Variants in SLC6A11 observed in about 807,000 individuals in gnomAD.
SLC6A11 encodes sodium- and chloride-dependent GABA transporter 3.
A neutral mutation model predicts 74.8 loss-of-function variants in SLC6A11; 25 were observed. That is an observed-to-expected ratio of 0.33 (90% CI 0.24 to 0.47). The LOEUF (loss-of-function observed/expected upper bound fraction) is 0.47. Among genes scored for constraint, SLC6A11 ranks in the 20% least tolerant of loss-of-function variants. The probability of loss-of-function intolerance (pLI) is 1.00; values close to 1 mark genes in which losing one functional copy is unlikely to be tolerated. For missense variants in SLC6A11, 574 were observed against 837.0 expected (o/e 0.69, Z 3.88); for synonymous variants, 330 against 330.2 (o/e 1.00, Z 0.01).
chr3:10,844,112 G>A, intron 4 of SLC6A11, 102 bp from the exon 5 acceptor site: 6 of 1,427,566 alleles, frequency 4.2e-6, no homozygotes, highest in Non-Finnish European at 5.8e-6. Flanking sequence ...GGTGGACGTG[G>A]GTGAATGAGC....
At chr3:10,908,451 CT>C (rs1367515247) in intron 6 of SLC6A11, among the ~76,000 whole-genome samples, 1 of 152,140 alleles carries the variant, frequency 6.6e-6, no homozygotes, top group Non-Finnish European at 1.5e-5. Context: ...AAATGACAGA[CT>C]TTTCCCCATA....
chr3:10,849,077 G>A (rs1352069244), intron 5 of SLC6A11, among the ~76,000 whole-genome samples: 4 of 152,076 alleles, frequency 2.6e-5, no homozygotes, highest in African/African-American at 7.2e-5. Context: ...TTATCTCCCC[G>A]TTCCAATAAA....
Position 10,819,665 on chromosome 3 carries a change from T to C in SLC6A11, c.392-47T>C, listed in dbSNP as rs1226185378. ...GAATGTCAACTGCAAAGGCAGATTG[T>C]TTTGAAAAGATAGACTCAAATTCCT... On this transcript the variant is annotated intron_variant, in intron 2 of 13. Coordinates refer to ENST00000254488, the MANE Select transcript of SLC6A11 (RefSeq NM_014229.3). 3.1e-6 allele frequency: 5 copies of C among 1,611,098 alleles called. No individual in the cohort carries two copies. The South Asian group carries it at 3.3e-5, about 11-fold the overall frequency.
intron 6 of SLC6A11, among the ~76,000 whole-genome samples, chr3:10,906,949 G>A (rs1205999898): frequency 1.3e-5 from 2 of 152,156 alleles, no homozygotes; most frequent in African/African-American, 4.8e-5. Context: ...TCTCCTAAGA[G>A]TACAGGAAAA....
In SLC6A11 at chr3:10,816,672, C is replaced by A. The variant is rs1424964143; in HGVS notation, c.256+151C>A. 1.8e-5 allele frequency: 15 copies of A among 854,948 alleles called. No individual in the cohort carries two copies. In the Admixed American group the frequency reaches 4.9e-4, roughly 28 times the overall value. The allele number at this position is 854,948 out of a possible 1,614,324, so 53.0% of individuals were successfully genotyped here. ...CCAGGCACCTCGCGTGTGAGCTCGC[C>A]CCGGAGCGCGGCCCACCTGTGCCAG... On this transcript the variant is annotated intron_variant, in intron 1 of 13. Coordinates refer to ENST00000254488, the MANE Select transcript of SLC6A11 (RefSeq NM_014229.3). This position sits in a 1 kb window ranked among gnomAD's most constrained non-coding sequence, Gnocchi z 4.2.
intron 10 of SLC6A11, among the ~76,000 whole-genome samples, chr3:10,930,586 A>G (rs1413227802): frequency 1.3e-5 from 2 of 152,146 alleles, no homozygotes; most frequent in Non-Finnish European, 2.9e-5. Context: ...GGGCCTCATT[A>G]AGCACTGATT....
intron 6 of SLC6A11, among the ~76,000 whole-genome samples, chr3:10,908,121 A>G (rs1695334376): frequency 6.6e-6 from 1 of 152,188 alleles, no homozygotes; most frequent in South Asian, 2.1e-4. Context: ...ACATAGCAAG[A>G]TCCCATCTCA....
At chr3:10,844,715 C>G (rs988164197) in intron 5 of SLC6A11, among the ~76,000 whole-genome samples, 6 of 152,158 alleles carry the variant, frequency 3.9e-5, no homozygotes, top group African/African-American at 1.4e-4. Context: ...TGTGTGAGGG[C>G]AGGTGATGCT....
At position 10,926,474 on chromosome 3, in the gene SLC6A11, G is replaced by C. The variant is rs1184119920; in HGVS notation, c.1233+358G>C. On this transcript the variant is annotated intron_variant, in intron 9 of 13. Coordinates refer to ENST00000254488, the MANE Select transcript of SLC6A11 (RefSeq NM_014229.3). This position sits in a 1 kb window ranked among gnomAD's most constrained non-coding sequence, Gnocchi z 5.7. ...GCCAACAGCACTGCCTGGCACAGCAGAAGAGAGTCTCAGAGAGTGAGTTCC... is the reference window on the plus strand; with the variant it reads ...GCCAACAGCACTGCCTGGCACAGCACAAGAGAGTCTCAGAGAGTGAGTTCC... Among the ~76,000 whole-genome samples, 2 of 152,186 alleles carry C rather than the reference G, an allele frequency of 1.3e-5. No individual in the cohort carries two copies. The highest frequency in any genetic ancestry group is 2.9e-5 in the Non-Finnish European group (2 of 68,026).
chr3:10,887,925 G>A (rs535879806), intron 6 of SLC6A11, among the ~76,000 whole-genome samples: 1 of 152,348 alleles, frequency 6.6e-6, no homozygotes, highest in Non-Finnish European at 1.5e-5. Flanking sequence ...GTAGACTGAA[G>A]CCTCTTCATT....
intron 5 of SLC6A11, among the ~76,000 whole-genome samples, chr3:10,870,044 G>A (rs181784927): frequency 1.8e-4 from 28 of 152,234 alleles, no homozygotes; most frequent in East Asian, 3.9e-4. Flanking sequence ...CTATTTCTGC[G>A]TCCTTGGCTA....
intron 6 of SLC6A11, among the ~76,000 whole-genome samples, chr3:10,894,512 G>A (rs891718891): frequency 1.2e-4 from 19 of 152,224 alleles, no homozygotes; most frequent in African/African-American, 4.3e-4. Flanking sequence ...CTGGGAAGAC[G>A]AAAGTGAGCA....
intron 4 of SLC6A11, among the ~76,000 whole-genome samples, chr3:10,836,933 T>C (rs948799092): frequency 1.3e-5 from 2 of 152,222 alleles, no homozygotes; most frequent in Non-Finnish European, 2.9e-5. Context: ...CCTGCAGGAA[T>C]AGAGAATAGT....
At chr3:10,929,444 C>G in intron 10 of SLC6A11, 105 bp downstream of exon 10, 1 of 1,236,958 alleles carries the variant, frequency 8.1e-7, no homozygotes, top group South Asian at 1.4e-5. Context: ...CTAGTGCCCT[C>G]TGCCACTCGG....
chr3:10,931,483 C>G (rs1218366743), intron 10 of SLC6A11, among the ~76,000 whole-genome samples: 6 of 152,298 alleles, frequency 3.9e-5, no homozygotes, highest in African/African-American at 1.4e-4. Context: ...CCCCCACAGA[C>G]CTGAATATTC....
chr3:10,833,829 A>G (rs1033156476), intron 4 of SLC6A11, among the ~76,000 whole-genome samples: 2 of 152,210 alleles, frequency 1.3e-5, no homozygotes, highest in Non-Finnish European at 2.9e-5. Flanking sequence ...TACAGTAAAC[A>G]TATTTGTGTA....
At chr3:10,877,101 C>T (rs1694917987) in intron 6 of SLC6A11, among the ~76,000 whole-genome samples, 1 of 152,188 alleles carries the variant, frequency 6.6e-6, no homozygotes, top group Non-Finnish European at 1.5e-5. Context: ...TCACATCCAG[C>T]CCTCTGCCCA....
chr3:10,936,210 G>T (rs1005866355), intron 13 of SLC6A11, among the ~76,000 whole-genome samples: 6 of 152,192 alleles, frequency 3.9e-5, no homozygotes, highest in African/African-American at 1.4e-4. Context: ...GCAATCCTAG[G>T]GGGGTGGAGA....
At chr3:10,855,430 C>T (rs572891650) in intron 5 of SLC6A11, among the ~76,000 whole-genome samples, 1 of 152,214 alleles carries the variant, frequency 6.6e-6, no homozygotes, top group East Asian at 1.9e-4. Flanking sequence ...CTGTCTTCTA[C>T]TCCTGCAGGA....
Sources: gnomAD v4.1 joint callset for allele counts (sites outside exome capture counted in the v4.1 genomes callset) on GRCh38, gnomAD v4.1.1 for gene constraint, Gnocchi (gnomAD v3.1) non-coding constraint, MANE v1.5 for transcripts, NCBI Gene and HGNC (gene_info 2026-07-23, HGNC 2026-07-21) for gene names.